The following CLASP2 variants were observed in gnomAD, a reference collection of about 807,000 sequenced individuals.
CLASP2 encodes cytoplasmic linker associated protein 2, also known as CLIP-associating protein 2.
In CLASP2, 47 loss-of-function variants were observed where a neutral mutation model predicts 194.4. That is an observed-to-expected ratio of 0.24 (90% CI 0.19 to 0.31). CLASP2 has a LOEUF of 0.31. Among genes scored for constraint, CLASP2 ranks in the 10% least tolerant of loss-of-function variants. CLASP2 has a pLI of 1.00. For missense variants in CLASP2, 1,445 were observed against 1,823.6 expected (o/e 0.79, Z 3.78); for synonymous variants, 619 against 633.5 (o/e 0.98, Z 0.34).
At chr3:33,663,312 T>C (rs949909344) in intron 7 of CLASP2, 133 bp downstream of exon 7, 2 of 498,554 alleles carry the variant, frequency 4.0e-6, no homozygotes, top group East Asian at 6.4e-5. Flanking sequence ...ATGTAAATAT[T>C]TTGTTATTAT....
intron 1 of CLASP2, among the ~76,000 whole-genome samples, chr3:33,713,602 T>C (rs2093141804): frequency 6.6e-6 from 1 of 152,180 alleles, no homozygotes. Flanking sequence ...GGCTATGATT[T>C]TGAATTCTGA....
chr3:33,615,371 A>C (rs2075940743), intron 12 of CLASP2, among the ~76,000 whole-genome samples: 1 of 149,820 alleles, frequency 6.7e-6, no homozygotes, highest in Non-Finnish European at 1.5e-5. Flanking sequence ...GGAACTTCTA[A>C]ATTACAAAAA....
chr3:33,690,349 T>A (rs1313479788), intron 2 of CLASP2, among the ~76,000 whole-genome samples: 1 of 152,174 alleles, frequency 6.6e-6, no homozygotes, highest in East Asian at 1.9e-4. Flanking sequence ...CAAATGTCTA[T>A]TTTTTAGACA....
chr3:33,641,986 AATAGTC>A (rs986394864), intron 8 of CLASP2, among the ~76,000 whole-genome samples: 23 of 152,004 alleles, frequency 1.5e-4, no homozygotes, highest in African/African-American at 5.5e-4. Context: ...CAGAAAACAG[AATAGTC>A]ATAAAGAGAA....
At chr3:33,675,713 T>C (rs78157032) in intron 6 of CLASP2, among the ~76,000 whole-genome samples, 6,504 of 118,122 alleles carry the variant, frequency 0.055, 335 homozygotes, top group East Asian at 0.12. Flanking sequence ...AAAATCTCCT[T>C]AAGTTGATAA....
intron 10 of CLASP2, among the ~76,000 whole-genome samples, chr3:33,623,581 C>G (rs1342177322): frequency 6.6e-6 from 1 of 152,070 alleles, no homozygotes; most frequent in East Asian, 1.9e-4. Flanking sequence ...CCAGTTCCAT[C>G]CATGTTGTTG....
intron 1 of CLASP2, among the ~76,000 whole-genome samples, chr3:33,708,888 A>C (rs115052013): frequency 0.019 from 2,930 of 152,190 alleles, 55 homozygotes; most frequent in African/African-American, 0.045. Context: ...CAGACATCCT[A>C]ACTGGTATGA....
At chr3:33,666,856 C>T (rs1339996177) in intron 6 of CLASP2, among the ~76,000 whole-genome samples, 1 of 152,152 alleles carries the variant, frequency 6.6e-6, no homozygotes, top group African/African-American at 2.4e-5. Context: ...GCTCTACATC[C>T]TCATCAATAT....
chr3:33,562,738 C>T (rs1165632697), intron 27 of CLASP2, among the ~76,000 whole-genome samples: 1 of 152,162 alleles, frequency 6.6e-6, no homozygotes, highest in African/African-American at 2.4e-5. Context: ...TATGAAAATC[C>T]ATTCTGAAAA....
intron 26 of CLASP2, among the ~76,000 whole-genome samples, chr3:33,568,126 G>A (rs1279483142): frequency 1.3e-5 from 2 of 152,060 alleles, no homozygotes; most frequent in African/African-American, 4.8e-5. Flanking sequence ...TTCTATTTTA[G>A]TGTCAACGAC....
intron 9 of CLASP2, among the ~76,000 whole-genome samples, chr3:33,629,912 A>G (rs1051501833): frequency 1.2e-4 from 18 of 152,164 alleles, no homozygotes; most frequent in Non-Finnish European, 2.9e-5. Flanking sequence ...TGAGAAGGAA[A>G]GTATAAAGTG....
intron 6 of CLASP2, among the ~76,000 whole-genome samples, chr3:33,669,285 T>C (rs1209207937): frequency 6.6e-6 from 1 of 152,104 alleles, no homozygotes; most frequent in Admixed American, 6.5e-5. Context: ...CAAATCCAAG[T>C]GGATTATAGC....
chr3:33,650,536 T>C (rs1218212179), intron 7 of CLASP2, among the ~76,000 whole-genome samples: 3 of 150,402 alleles, frequency 2.0e-5, no homozygotes, highest in African/African-American at 4.9e-5. Flanking sequence ...TTCTATATAA[T>C]GGAGATGGGA....
At chr3:33,542,419 G>A (rs922765903) in intron 32 of CLASP2, among the ~76,000 whole-genome samples, 4 of 147,624 alleles carry the variant, frequency 2.7e-5, no homozygotes, top group African/African-American at 9.9e-5. Flanking sequence ...AAAAAATTAA[G>A]CTTACAGACA....
Position 33,551,298 on chromosome 3 carries a change from C to T in CLASP2, c.3107G>A (p.Arg1036Gln), listed in dbSNP as rs1008099635. 2 of 1,613,652 alleles carry T rather than the reference C, an allele frequency of 1.2e-6. No homozygotes were observed. Among genetic ancestry groups the T allele is most frequent in the Non-Finnish European group, 8.5e-7 (1 of 1,179,728 alleles). ...NSSETRLAVS[R>Q]VITWTTEPKS... ...GGGTTCTGTTGTCCAAGTGATGACC[C>T]GAGACACTGCTAGGCGAGTTTCACT... is the stretch of plus-strand genomic sequence containing the variant. The change falls in exon 30 of 39, where the codon CGG becomes CAG. Residue 1036 changes from arginine (R) to glutamine (Q), a missense_variant. Arg to Gln is a conservative substitution (Grantham distance 43). Coordinates refer to ENST00000682230, the MANE Select transcript of CLASP2 (RefSeq NM_001365631.1).
chr3:33,523,547 GA>G (rs2053718949), intron 34 of CLASP2, among the ~76,000 whole-genome samples: 1 of 152,136 alleles, frequency 6.6e-6, no homozygotes, highest in African/African-American at 2.4e-5. Flanking sequence ...TGTTAACCAA[GA>G]ATCCTACATC....
rs1229548257 is a variant in CLASP2, at chr3:33,497,191, CTT to C, written c.*1438_*1439del. 5.9e-5 allele frequency: 9 copies of C among 152,602 alleles called. No homozygotes were observed. The highest frequency in any genetic ancestry group is 2.1e-4 in the South Asian group (1 of 4,824). 9.5% of individuals were successfully genotyped at this position (152,602 alleles called of 1,614,324 possible). A position where few individuals can be genotyped will look rare whatever the true frequency, so the allele number is the denominator to read the frequency against. On this transcript the variant is annotated 3_prime_UTR_variant, in exon 39 of 39. Coordinates refer to ENST00000682230, the MANE Select transcript of CLASP2 (RefSeq NM_001365631.1). ...TATGACAAATCATCCATTCAGTACT[CTT>C]GTCTTAAATTCTTTACATATATTTC...
chr3:33,692,635 C>A (rs140759508), intron 2 of CLASP2, among the ~76,000 whole-genome samples: 77 of 152,182 alleles, frequency 5.1e-4, no homozygotes, highest in African/African-American at 1.8e-3. Context: ...GGAAGGATGA[C>A]AGAACTATAC....
chr3:33,601,080 T>C (rs1050341187), intron 18 of CLASP2, among the ~76,000 whole-genome samples: 12 of 148,324 alleles, frequency 8.1e-5, no homozygotes, highest in African/African-American at 3.0e-4. Flanking sequence ...TGCCTCAGCC[T>C]CCCGAGTAGC....
Sources: gnomAD v4.1 joint callset for allele counts (sites outside exome capture counted in the v4.1 genomes callset) on GRCh38, gnomAD v4.1.1 for gene constraint, MANE v1.5 for transcripts, NCBI Gene and HGNC (gene_info 2026-07-23, HGNC 2026-07-21) for gene names.